NTF3: variants seen among roughly 807,000 people sequenced by gnomAD.
NTF3 encodes neurotrophin-3.
NTF3 carries 8 observed loss-of-function variants against 26.3 expected under a neutral mutation model. The ratio of observed to expected loss-of-function variants is 0.30; its 90% CI spans 0.18 to 0.55. NTF3 has a LOEUF of 0.55. Among genes scored for constraint, NTF3 ranks in the 20% least tolerant of loss-of-function variants. The pLI is 0.93. For missense variants in NTF3, 276 were observed against 352.9 expected, an observed-to-expected ratio of 0.78 and a Z score of 1.75; for synonymous variants, 154 against 145.5, an observed-to-expected ratio of 1.06 and a Z score of -0.42.
In NTF3 at chr12:5,494,886, C is replaced by T. The variant is rs753377858; in HGVS notation, c.711C>T (p.Val237=). Residue 237 remains valine, a synonymous_variant, in exon 2 of 2, where the codon GTC becomes GTT. Transcript: ENST00000423158. The surrounding 1 kb of genome is among the most constrained non-coding windows in gnomAD (Gnocchi z 8.3). ...AGTGCAAAACATCCCAAACCTACGT[C>T]CGAGCACTGACTTCAGAGAACAATA... ...NSQCKTSQTY[V]RALTSENNKL... is the part of the protein sequence containing the mutation. 6.2e-7 allele frequency: 1 copy of T among 1,614,176 alleles called. No homozygotes were observed. Among genetic ancestry groups the T allele is most frequent in the Non-Finnish European group, 8.5e-7 (1 of 1,180,042 alleles).
intron 1 of NTF3, among the ~76,000 whole-genome samples, chr12:5,449,012 T>C (rs935963212): frequency 6.6e-6 from 1 of 152,216 alleles, no homozygotes; most frequent in East Asian, 1.9e-4. Context: ...CAAGAACTTA[T>C]AGTACATGTA....
intron 1 of NTF3, among the ~76,000 whole-genome samples, chr12:5,491,685 C>T (rs147184702): frequency 1.1e-3 from 165 of 151,624 alleles, no homozygotes; most frequent in Middle Eastern, 3.5e-3. Flanking sequence ...TGCAGAGAAC[C>T]CCTCTCACTT....
At chr12:5,443,430 G>T (rs1940264564) in intron 1 of NTF3, among the ~76,000 whole-genome samples, 1 of 152,164 alleles carries the variant, frequency 6.6e-6, no homozygotes, top group African/African-American at 2.4e-5. Context: ...AGGAGAGAGA[G>T]AATTTCCCCA....
At chr12:5,460,354 C>T (rs1940510781) in intron 1 of NTF3, among the ~76,000 whole-genome samples, 1 of 152,208 alleles carries the variant, frequency 6.6e-6, no homozygotes, top group African/African-American at 2.4e-5. Context: ...TCCCTCCTCC[C>T]TCCTCTGCCA....
At chr12:5,492,604 G>A (rs1286257537) in intron 1 of NTF3, among the ~76,000 whole-genome samples, 1 of 152,212 alleles carries the variant, frequency 6.6e-6, no homozygotes, top group East Asian at 1.9e-4. Flanking sequence ...AGGGTGAGCA[G>A]CAAAGCTAGA....
intron 1 of NTF3, among the ~76,000 whole-genome samples, chr12:5,465,773 G>C (rs1940582067): frequency 6.6e-6 from 1 of 152,206 alleles, no homozygotes. Context: ...TGAGTTCCAG[G>C]CCAGGGATCC....
chr12:5,443,379 A>C (rs1229555781), intron 1 of NTF3, among the ~76,000 whole-genome samples: 1 of 152,158 alleles, frequency 6.6e-6, no homozygotes, highest in East Asian at 1.9e-4. Context: ...CAGGAAGGAT[A>C]CCTGGATGCA....
At chr12:5,468,951 T>C (rs1489732524) in intron 1 of NTF3, among the ~76,000 whole-genome samples, 1 of 152,062 alleles carries the variant, frequency 6.6e-6, no homozygotes, top group Non-Finnish European at 1.5e-5. Flanking sequence ...CAAAACCCCA[T>C]CTTCATTAAA....
At chr12:5,490,581 C>T (rs909802465) in intron 1 of NTF3, among the ~76,000 whole-genome samples, 1 of 152,068 alleles carries the variant, frequency 6.6e-6, no homozygotes, top group Non-Finnish European at 1.5e-5. Flanking sequence ...CACTGGGGGA[C>T]TCCCACCCCG....
intron 1 of NTF3, among the ~76,000 whole-genome samples, chr12:5,449,872 T>C (rs1271647968): frequency 6.6e-6 from 1 of 152,232 alleles, no homozygotes; most frequent in Non-Finnish European, 1.5e-5. Context: ...CTTTGTGCCC[T>C]TTCTTAGCCT....
chr12:5,470,278 T>C (rs1452060303), intron 1 of NTF3, among the ~76,000 whole-genome samples: 2 of 152,184 alleles, frequency 1.3e-5, no homozygotes, highest in Non-Finnish European at 2.9e-5. Context: ...TGAGAAGAAG[T>C]TATACAGCTG....
chr12:5,449,910 A>G (rs189007026), intron 1 of NTF3, among the ~76,000 whole-genome samples: 1 of 152,226 alleles, frequency 6.6e-6, no homozygotes, highest in Admixed American at 6.5e-5. Flanking sequence ...TCCAGGAGGC[A>G]GGAATCCAAG....
At chr12:5,470,576 A>G (rs1397235730) in intron 1 of NTF3, among the ~76,000 whole-genome samples, 1 of 152,006 alleles carries the variant, frequency 6.6e-6, no homozygotes, top group Non-Finnish European at 1.5e-5. Context: ...CTCCCCTGCC[A>G]CCTCTTCTTC....
At chr12:5,431,093 A>G (rs1453133716), upstream of NTF3, among the ~76,000 whole-genome samples, 1 of 152,088 alleles carries the variant, frequency 6.6e-6, no homozygotes, top group Non-Finnish European at 1.5e-5. Context: ...AGCTAAAATT[A>G]TCTCCAAATA....
At position 5,476,560 on chromosome 12, in the gene NTF3, T is replaced by A. The variant is rs140828131; in HGVS notation, c.19-17634T>A. On this transcript the variant is annotated intron_variant, in intron 1 of 1. Transcript: ENST00000423158. ...AATAGATGTATAAACTGATCTGAGG[T>A]TGGAGCTGCACAGGGCAGATGTGGC... Among the ~76,000 whole-genome samples the A allele has an allele frequency of 2.8e-3, 428 of 152,264 alleles. 2 individuals carry two copies. Among genetic ancestry groups the A allele is most frequent in the African/African-American group, 9.2e-3 (384 of 41,564 alleles).
At chr12:5,432,451 C>A in intron 1 of NTF3, 109 bp downstream of exon 1, 3 of 1,203,004 alleles carry the variant, frequency 2.5e-6, no homozygotes, top group Non-Finnish European at 3.6e-6. Context: ...CCGCATCCCG[C>A]CCCACCCCCA....
At chr12:5,431,679 G>GTAAA (rs1285166818), upstream of NTF3, among the ~76,000 whole-genome samples, 133 of 152,232 alleles carry the variant, frequency 8.7e-4, no homozygotes, top group African/African-American at 3.1e-3. Context: ...AAAAGGCCCT[G>GTAAA]ATGCCTTGTA....
At chr12:5,485,578 G>T (rs903964205) in intron 1 of NTF3, among the ~76,000 whole-genome samples, 1 of 152,208 alleles carries the variant, frequency 6.6e-6, no homozygotes, top group East Asian at 1.9e-4. Context: ...ATATGGGGAG[G>T]CTCAATAAAT....
At position 5,464,589 on chromosome 12, in the gene NTF3, T is replaced by C. The variant is rs1257082016; in HGVS notation, c.19-29605T>C. On this transcript the variant is annotated intron_variant, in intron 1 of 1. Coordinates refer to ENST00000423158, the MANE Select transcript of NTF3 (RefSeq NM_001102654.2). Reference sequence around the variant, plus strand: ...ATTCCTGAGCCCCATCCCTTGATGATGATGATCCAGTGAGCCTGGGTGGGG... The same window carrying C: ...ATTCCTGAGCCCCATCCCTTGATGACGATGATCCAGTGAGCCTGGGTGGGG... 2.0e-5 allele frequency among the ~76,000 whole-genome samples: 3 copies of C among 152,284 alleles called. No individual in the cohort carries two copies. The East Asian group carries it at 5.8e-4, about 29-fold the overall frequency.
Sources: allele counts gnomAD v4.1 joint callset (sites outside exome capture counted in the v4.1 genomes callset), GRCh38; gene constraint gnomAD v4.1.1; non-coding constraint Gnocchi (gnomAD v3.1); transcripts MANE v1.5; gene names NCBI Gene and HGNC (gene_info 2026-07-23, HGNC 2026-07-21).